The following ADAM22 variants were observed in gnomAD, a reference collection of about 807,000 sequenced individuals.
ADAM22 encodes the protein ADAM metallopeptidase domain 22.
Under a neutral mutation model 144.6 loss-of-function variants are expected in ADAM22, and 65 were observed. The ratio of observed to expected loss-of-function variants is 0.45; its 90% CI spans 0.37 to 0.55. The LOEUF (loss-of-function observed/expected upper bound fraction) is 0.55. Ranked by LOEUF, ADAM22 falls within the 20% of genes least tolerant of loss-of-function variation. ADAM22 has a pLI of 0.00. For missense variants in ADAM22, 974 were observed against 1,184.9 expected (o/e 0.82, Z 2.61); for synonymous variants, 391 against 412.6 (o/e 0.95, Z 0.63).
intron 4 of ADAM22, among the ~76,000 whole-genome samples, chr7:88,082,190 A>G (rs1402443656): frequency 3.9e-5 from 6 of 152,186 alleles, no homozygotes; most frequent in Non-Finnish European, 7.4e-5. Flanking sequence ...CCGCATATCT[A>G]CAACTATCTG....
chr7:88,153,106 A>G (rs778061818), intron 20 of ADAM22, 115 bp from the exon 21 acceptor site: 32 of 620,152 alleles, frequency 5.2e-5, no homozygotes, highest in Non-Finnish European at 6.4e-5. Context: ...CATTTTTGGA[A>G]TTGATAACAC....
intron 4 of ADAM22, among the ~76,000 whole-genome samples, chr7:88,093,540 T>TTTG (rs530005343): frequency 2.2e-4 from 34 of 152,174 alleles, no homozygotes; most frequent in Non-Finnish European, 1.3e-4. Flanking sequence ...TTTCTTTCTT[T>TTTG]TTGTTGTTGT....
At chr7:88,108,488 G>T (rs952873513) in intron 5 of ADAM22, among the ~76,000 whole-genome samples, 39 of 152,096 alleles carry the variant, frequency 2.6e-4, no homozygotes, top group African/African-American at 8.9e-4. Context: ...AGCACTTTGG[G>T]GGGGTCTAGG....
intron 5 of ADAM22, among the ~76,000 whole-genome samples, chr7:88,109,744 A>C (rs1825520586): frequency 6.6e-6 from 1 of 151,900 alleles, no homozygotes; most frequent in Admixed American, 6.6e-5. Flanking sequence ...AAAAAAAAAA[A>C]ACAAAACTGG....
At chr7:87,940,293 A>G (rs141609233) in intron 2 of ADAM22, among the ~76,000 whole-genome samples, 7 of 152,192 alleles carry the variant, frequency 4.6e-5, no homozygotes, top group Non-Finnish European at 8.8e-5. Context: ...TGTACCCCAT[A>G]AATATGTATA....
intron 1 of ADAM22, 34 bp downstream of exon 1, chr7:87,934,584 A>G: frequency 1.3e-6 from 2 of 1,583,356 alleles, no homozygotes; most frequent in Non-Finnish European, 1.7e-6. Flanking sequence ...TTTGGGCCAT[A>G]CCATTTCCCG....
At chr7:87,938,672 G>A (rs918808008) in intron 2 of ADAM22, among the ~76,000 whole-genome samples, 1 of 151,958 alleles carries the variant, frequency 6.6e-6, no homozygotes, top group African/African-American at 2.4e-5. Context: ...TTGAGATGGA[G>A]TCTCACTCTC....
rs570867597 is a variant in ADAM22 at position 88,148,246 on chromosome 7, G to C, written c.1486-731G>C. The stretch of plus-strand genomic sequence containing the variant: ...ATACAGCCCTGAATGCTAACATTTT[G>C]GATAGAGAAAAAGAGAAGGATTGAG... On this transcript the variant is annotated intron_variant, in intron 17 of 31. Coordinates refer to ENST00000413139, the MANE Select transcript of ADAM22 (RefSeq NM_001324418.2). Among the ~76,000 whole-genome samples the C allele has an allele frequency of 2.0e-5, 3 of 152,148 alleles. No individual in the cohort carries two copies. In the South Asian group the frequency reaches 6.2e-4, roughly 32 times the overall value.
At chr7:88,166,807 G>C (rs149532187) in intron 24 of ADAM22, among the ~76,000 whole-genome samples, 3 of 152,152 alleles carry the variant, frequency 2.0e-5, no homozygotes, top group Admixed American at 2.0e-4. Flanking sequence ...ATAATATTTA[G>C]ATAGATGGAT....
chr7:88,018,358 T>G (rs1000289472), intron 3 of ADAM22, among the ~76,000 whole-genome samples: 2 of 152,172 alleles, frequency 1.3e-5, no homozygotes, highest in Admixed American at 6.6e-5. Context: ...TAATAACAAT[T>G]AAAAAGGAGT....
At chr7:88,020,071 T>C (rs1797462741) in intron 3 of ADAM22, among the ~76,000 whole-genome samples, 2 of 152,248 alleles carry the variant, frequency 1.3e-5, no homozygotes, top group African/African-American at 2.4e-5. Flanking sequence ...AATTTTTTTC[T>C]GGGTAATAGC....
intron 5 of ADAM22, among the ~76,000 whole-genome samples, chr7:88,111,174 G>A (rs1271043553): frequency 6.6e-6 from 1 of 152,024 alleles, no homozygotes; most frequent in Non-Finnish European, 1.5e-5. Context: ...GAGCACATAG[G>A]ATAAATATAA....
chr7:88,061,048 G>A (rs947374515), intron 3 of ADAM22, among the ~76,000 whole-genome samples: 2 of 151,852 alleles, frequency 1.3e-5, no homozygotes, highest in South Asian at 2.1e-4. Context: ...AGGTTGCAGT[G>A]AGCTGAGATT....
At chr7:88,184,606 AT>A (rs977909154) in intron 29 of ADAM22, among the ~76,000 whole-genome samples, 2 of 150,080 alleles carry the variant, frequency 1.3e-5, no homozygotes, top group Non-Finnish European at 3.0e-5. Context: ...ATCTAACGCC[AT>A]TTTTTTTTGC....
chr7:88,181,399 ATTTAT>A (rs891416961), intron 27 of ADAM22, 101 bp from the exon 28 acceptor site: 19 of 831,490 alleles, frequency 2.3e-5, no homozygotes, highest in East Asian at 5.6e-5. Context: ...TTCTTTCTTG[ATTTAT>A]TTTATTTAAT....
chr7:87,985,964 G>T (rs1239582878), intron 3 of ADAM22, among the ~76,000 whole-genome samples: 1 of 151,858 alleles, frequency 6.6e-6, no homozygotes, highest in Non-Finnish European at 1.5e-5. Flanking sequence ...CAGGAGGGAT[G>T]ATGTCAAGTA....
At chr7:88,075,117 C>CA (rs1813933884) in intron 3 of ADAM22, among the ~76,000 whole-genome samples, 1 of 151,934 alleles carries the variant, frequency 6.6e-6, no homozygotes. Context: ...GGATTGATTT[C>CA]AAAAAAGAAT....
chr7:88,066,875 A>G lies in ADAM22; in HGVS notation c.324-8751A>G, dbSNP rs550630487. 1.6e-4 allele frequency among the ~76,000 whole-genome samples: 25 copies of G among 152,296 alleles called. No homozygotes were observed. The South Asian group carries it at 5.0e-3, about 30-fold the overall frequency. Reference sequence around the variant, plus strand: ...TTATACATCAAGTAAGATTAAGACTAAGAATTAACTGTTAGATTTAACGAT... The same window carrying G: ...TTATACATCAAGTAAGATTAAGACTGAGAATTAACTGTTAGATTTAACGAT... On this transcript the variant is annotated intron_variant, in intron 3 of 31. Transcript: ENST00000413139.
chr7:88,061,801 C>T (rs1809945137), intron 3 of ADAM22, among the ~76,000 whole-genome samples: 1 of 148,254 alleles, frequency 6.7e-6, no homozygotes, highest in African/African-American at 2.5e-5. Context: ...TAGCCCTAAA[C>T]AAAAGAGTCA....
Sources: gnomAD v4.1 joint callset for allele counts (sites outside exome capture counted in the v4.1 genomes callset) on GRCh38, gnomAD v4.1.1 for gene constraint, MANE v1.5 for transcripts, NCBI Gene and HGNC (gene_info 2026-07-23, HGNC 2026-07-21) for gene names.